Variants in ASTN1 observed in about 807,000 individuals in gnomAD.
ASTN1 encodes astrotactin-1.
In ASTN1, 41 loss-of-function variants were observed where a neutral mutation model predicts 140.7. That is an observed-to-expected ratio of 0.29 (90% confidence interval 0.23 to 0.38). The LOEUF (loss-of-function observed/expected upper bound fraction) is 0.38, where lower values mean the gene tolerates loss of function less well. Ranked by LOEUF, ASTN1 falls within the 10% of genes least tolerant of loss-of-function variation. The probability of loss-of-function intolerance (pLI) is 1.00; values close to 1 mark genes in which losing one functional copy is unlikely to be tolerated. For missense variants in ASTN1, 1,479 were observed against 1,678.8 expected (o/e 0.88, Z 2.08); for synonymous variants, 640 against 652.2 (o/e 0.98, Z 0.29).
intron 2 of ASTN1, among the ~76,000 whole-genome samples, chr1:177,045,516 G>T (rs1677174154): frequency 6.6e-6 from 1 of 152,108 alleles, no homozygotes; most frequent in Non-Finnish European, 1.5e-5. Flanking sequence ...GCACTCCCTT[G>T]GTCATGGAGT....
chr1:177,055,260 A>G (rs932034750), intron 2 of ASTN1, among the ~76,000 whole-genome samples: 1 of 152,218 alleles, frequency 6.6e-6, no homozygotes, highest in African/African-American at 2.4e-5. Context: ...AGGGCACCAA[A>G]CAAGAACAAA....
At chr1:176,880,831 C>G (rs571205684) in intron 20 of ASTN1, among the ~76,000 whole-genome samples, 9 of 152,222 alleles carry the variant, frequency 5.9e-5, no homozygotes, top group Admixed American at 5.9e-4. Context: ...GATTCTGGGG[C>G]GGTTACTCCG....
chr1:177,089,608 T>C (rs1679643238), intron 1 of ASTN1, among the ~76,000 whole-genome samples: 2 of 152,054 alleles, frequency 1.3e-5, no homozygotes, highest in Non-Finnish European at 2.9e-5. Flanking sequence ...GCACACCCAC[T>C]GCTCACACCC....
At chr1:176,926,399 T>A (rs1204945262) in intron 16 of ASTN1, among the ~76,000 whole-genome samples, 1 of 152,094 alleles carries the variant, frequency 6.6e-6, no homozygotes, top group African/African-American at 2.4e-5. Context: ...CCTAGGGACC[T>A]GGAGAAGACT....
At chr1:176,977,528 G>A (rs1010609898) in intron 8 of ASTN1, among the ~76,000 whole-genome samples, 2 of 152,208 alleles carry the variant, frequency 1.3e-5, no homozygotes, top group Admixed American at 6.5e-5. Flanking sequence ...CCTGGATCAG[G>A]AGCCGATGAA....
intron 8 of ASTN1, among the ~76,000 whole-genome samples, chr1:176,994,207 G>T (rs573329926): frequency 3.3e-5 from 5 of 149,846 alleles, no homozygotes; most frequent in African/African-American, 1.2e-4. Context: ...ACTGTTTAGT[G>T]GTAAAAGTTG....
chr1:177,089,180 A>C (rs1679623076), intron 1 of ASTN1, among the ~76,000 whole-genome samples: 1 of 152,126 alleles, frequency 6.6e-6, no homozygotes, highest in Non-Finnish European at 1.5e-5. Context: ...AATCTCATCA[A>C]TGTGCAGGCA....
intron 1 of ASTN1, among the ~76,000 whole-genome samples, chr1:177,128,409 G>T (rs1681775027): frequency 6.6e-6 from 1 of 152,160 alleles, no homozygotes; most frequent in Admixed American, 6.5e-5. Context: ...AACATTATTA[G>T]AGTTAAAATT....
intron 16 of ASTN1, among the ~76,000 whole-genome samples, chr1:176,898,227 C>T (rs1453126057): frequency 6.6e-6 from 1 of 152,134 alleles, no homozygotes; most frequent in African/African-American, 2.4e-5. Context: ...ACCCACCAAA[C>T]TCTTGTTTTA....
At chr1:177,035,160 C>T (rs772218340) in intron 2 of ASTN1, among the ~76,000 whole-genome samples, 2 of 152,156 alleles carry the variant, frequency 1.3e-5, no homozygotes, top group African/African-American at 4.8e-5. Context: ...AAAGATGAGG[C>T]GCAGAGGTTA....
intron 16 of ASTN1, among the ~76,000 whole-genome samples, chr1:176,901,765 A>ATAAACTCAGAGTAAATCC (rs1187754956): frequency 3.3e-5 from 5 of 152,026 alleles, no homozygotes. Flanking sequence ...CAGAGTAAAC[A>ATAAACTCAGAGTAAATCC]CACCTTTCTT....
intron 1 of ASTN1, among the ~76,000 whole-genome samples, chr1:177,163,790 G>A (rs920874050): frequency 2.6e-5 from 4 of 152,198 alleles, no homozygotes; most frequent in African/African-American, 9.7e-5. Flanking sequence ...TAAGCATGGA[G>A]GTAGGACTTC....
intron 7 of ASTN1, among the ~76,000 whole-genome samples, chr1:177,020,721 C>A (rs1421218660): frequency 6.6e-6 from 1 of 152,150 alleles, no homozygotes; most frequent in Non-Finnish European, 1.5e-5. Flanking sequence ...GTCTCTCACA[C>A]CTGGTGTTCT....
chr1:177,067,592 C>T (rs1298149473), intron 1 of ASTN1, among the ~76,000 whole-genome samples: 1 of 152,124 alleles, frequency 6.6e-6, no homozygotes, highest in Admixed American at 6.5e-5. Flanking sequence ...GCGGTATTAA[C>T]TTTCAACACC....
At chr1:176,936,453 C>A in intron 14 of ASTN1, 83 bp from the exon 15 acceptor site, 13 of 1,054,060 alleles carry the variant, frequency 1.2e-5, no homozygotes, top group Non-Finnish European at 1.9e-5. Context: ...CTCTATGAGG[C>A]GAAGTGTTGT....
intron 8 of ASTN1, among the ~76,000 whole-genome samples, chr1:176,981,958 C>T (rs1343230808): frequency 6.6e-6 from 1 of 152,126 alleles, no homozygotes; most frequent in Non-Finnish European, 1.5e-5. Context: ...AGATTGGTGC[C>T]TGTTACATTG....
chr1:176,949,456 A>G (rs145966112), intron 11 of ASTN1, 105 bp from the exon 12 acceptor site: 2 of 1,233,820 alleles, frequency 1.6e-6, no homozygotes, highest in East Asian at 5.1e-5. Flanking sequence ...TCAGCCTTGA[A>G]ACTATTAACA....
At chr1:177,060,348 G>A (rs1027770413) in intron 2 of ASTN1, among the ~76,000 whole-genome samples, 10 of 152,242 alleles carry the variant, frequency 6.6e-5, no homozygotes, top group African/African-American at 2.2e-4. Context: ...GAGAAAGCCA[G>A]TTTACTGGCT....
intron 8 of ASTN1, among the ~76,000 whole-genome samples, chr1:177,008,640 G>A (rs1675127262): frequency 6.6e-6 from 1 of 150,462 alleles, no homozygotes; most frequent in African/African-American, 2.4e-5. Flanking sequence ...AGGAGGAGGA[G>A]GAAGAGGAGA....
Sources: allele counts gnomAD v4.1 joint callset (sites outside exome capture counted in the v4.1 genomes callset), GRCh38; gene constraint gnomAD v4.1.1; transcripts MANE v1.5; gene names NCBI Gene and HGNC (gene_info 2026-07-23, HGNC 2026-07-21).